The following TM6SF1 variants were observed in gnomAD, a reference collection of about 807,000 sequenced individuals.
TM6SF1 encodes transmembrane 6 superfamily member 1.
Under a neutral mutation model 47.1 loss-of-function variants are expected in TM6SF1, and 43 were observed. That is an observed-to-expected ratio of 0.91 (90% CI 0.72 to 1.18). TM6SF1 has a LOEUF of 1.18. Among genes scored for constraint, TM6SF1 ranks in the 50% most tolerant of loss-of-function variants. The probability of loss-of-function intolerance (pLI) is 0.00; values close to 1 mark genes in which losing one functional copy is unlikely to be tolerated. For missense variants in TM6SF1, 390 were observed against 449.0 expected (o/e 0.87, Z 1.19); for synonymous variants, 177 against 166.3 (o/e 1.06, Z -0.49).
chr15:83,112,214 G>A (rs942345991), intron 1 of TM6SF1, among the ~76,000 whole-genome samples: 1 of 152,148 alleles, frequency 6.6e-6, no homozygotes, highest in Non-Finnish European at 1.5e-5. Flanking sequence ...GGGGTGTTGG[G>A]CTATCTTCAT....
chr15:83,109,918 C>T (rs1236555122), intron 1 of TM6SF1, among the ~76,000 whole-genome samples: 1 of 152,132 alleles, frequency 6.6e-6, no homozygotes, highest in African/African-American at 2.4e-5. Flanking sequence ...TTCTGCAGAC[C>T]CTCCCTCTCT....
Position 83,136,707 on chromosome 15 carries a change from T to C in TM6SF1, c.*35T>C, listed in dbSNP as rs1369453452. On this transcript the variant is annotated 3_prime_UTR_variant, in exon 10 of 10. Coordinates refer to ENST00000322019, the MANE Select transcript of TM6SF1 (RefSeq NM_023003.5). ...TTCATGTTCCTCCTTTCTAAATTAC[T>C]AACTTTTGTTATACTGGTACTGATA... 1.5e-5 allele frequency: 23 copies of C among 1,537,590 alleles called. No individual in the cohort carries two copies. The highest frequency in any genetic ancestry group is 1.9e-5 in the Non-Finnish European group (22 of 1,134,248).
chr15:83,110,355 C>A (rs948939714), intron 1 of TM6SF1, among the ~76,000 whole-genome samples: 1 of 152,134 alleles, frequency 6.6e-6, no homozygotes, highest in Admixed American at 6.6e-5. Flanking sequence ...TGAGTCCCTG[C>A]AGGACCTGTT....
At chr15:83,133,405 T>G (rs1446291463) in intron 9 of TM6SF1, 1 of 152,248 alleles carries the variant, frequency 6.6e-6, no homozygotes, top group East Asian at 1.9e-4. Flanking sequence ...TCTCTATACA[T>G]GTAAGAAAAC....
At chr15:83,122,389 A>G (rs2035341909) in intron 5 of TM6SF1, among the ~76,000 whole-genome samples, 1 of 152,094 alleles carries the variant, frequency 6.6e-6, no homozygotes. Flanking sequence ...AAATCAGGAT[A>G]TATAGGTAGA....
intron 5 of TM6SF1, among the ~76,000 whole-genome samples, chr15:83,122,239 T>A (rs11856171): frequency 0.042 from 6,465 of 152,278 alleles, 384 homozygotes; most frequent in East Asian, 0.13. Flanking sequence ...CAGGGATTCC[T>A]GTTTTTTTAG....
chr15:83,116,094 G>A (rs1260068812), intron 3 of TM6SF1, 152 bp downstream of exon 3: 5 of 636,654 alleles, frequency 7.9e-6, no homozygotes, highest in Non-Finnish European at 1.4e-5. Flanking sequence ...TTAGTCACAT[G>A]GAAAGTGGAG....
intron 1 of TM6SF1, among the ~76,000 whole-genome samples, chr15:83,108,828 C>T (rs995888682): frequency 3.3e-5 from 5 of 152,236 alleles, no homozygotes; most frequent in African/African-American, 4.8e-5. Context: ...CCGCCTGATA[C>T]AGGCAGCACC....
At position 83,121,925 on chromosome 15, in the gene TM6SF1, A is replaced by G. The variant is rs1198142114; in HGVS notation, c.403A>G (p.Thr135Ala). The G allele has an allele frequency of 1.3e-6, 2 of 1,598,506 alleles. No homozygotes were observed. Among genetic ancestry groups the G allele is most frequent in the Non-Finnish European group, 1.7e-6 (2 of 1,176,354 alleles). Reference protein sequence around the residue: ...VMVAAIAWEETYRTIGLYWVG... With the variant: ...VMVAAIAWEEAYRTIGLYWVG... ...TTTTTGTTGTTGTTGTTACAGGGAA[A>G]CTTATAGAACCATTGGCCTATATTG... The change falls in exon 5 of 10, where the codon ACT becomes GCT. Residue 135 changes from threonine to alanine, a missense_variant. By Grantham distance (58) the Thr-to-Ala change is moderately conservative (BLOSUM62 0). Coordinates refer to ENST00000322019, the MANE Select transcript of TM6SF1 (RefSeq NM_023003.5).
intron 8 of TM6SF1, among the ~76,000 whole-genome samples, chr15:83,127,064 C>T (rs1403020924): frequency 6.6e-6 from 1 of 151,960 alleles, no homozygotes; most frequent in East Asian, 1.9e-4. Flanking sequence ...CATGGTGGCA[C>T]ATGCCTGTAA....
chr15:83,115,561 T>C, intron 2 of TM6SF1: 1 of 552,608 alleles, frequency 1.8e-6, no homozygotes, highest in Non-Finnish European at 3.4e-6. Flanking sequence ...GGAGTTGGCC[T>C]GCTAGAATCT....
At position 83,107,828 on chromosome 15, in the gene TM6SF1, C is replaced by T. The variant is rs1240110107; in HGVS notation, c.92+56C>T. ...CGAGGGGCGGCGGGAGTTGGCTCGC[C>T]GCGACGGGAGCCTCGCAACTTTTCC... On this transcript the variant is annotated intron_variant, in intron 1 of 9. Coordinates refer to ENST00000322019, the MANE Select transcript of TM6SF1 (RefSeq NM_023003.5). The surrounding 1 kb of genome is among the most constrained non-coding windows in gnomAD (Gnocchi z 5.6). 3.3e-6 allele frequency: 5 copies of T among 1,526,288 alleles called. No homozygotes were observed. In the Admixed American group the frequency reaches 8.4e-5, roughly 26 times the overall value. 94.5% of individuals were successfully genotyped at this position (1,526,288 alleles called of 1,614,324 possible).
At chr15:83,118,603 C>T (rs1031088764) in intron 3 of TM6SF1, among the ~76,000 whole-genome samples, 1 of 152,176 alleles carries the variant, frequency 6.6e-6, no homozygotes, top group Non-Finnish European at 1.5e-5. Flanking sequence ...ACAGAGCAGT[C>T]CTTGCCCCAG....
At position 83,111,524 on chromosome 15, in the gene TM6SF1, A is replaced by G. The variant is rs2034178790; in HGVS notation, c.93-1273A>G. Reference sequence around the variant, plus strand: ...CCATCTATCCATCCACTCATCGTCTATTTGTTCCCCCCTTCCCTCCCTCCT... The same window carrying G: ...CCATCTATCCATCCACTCATCGTCTGTTTGTTCCCCCCTTCCCTCCCTCCT... On this transcript the variant is annotated intron_variant, in intron 1 of 9. Transcript: ENST00000322019. 10 of 685,718 alleles carry G rather than the reference A, an allele frequency of 1.5e-5. No homozygotes were observed. The South Asian group carries it at 6.6e-4, about 45-fold the overall frequency. 42.5% of individuals were successfully genotyped at this position (685,718 alleles called of 1,614,324 possible). A position where few individuals can be genotyped will look rare whatever the true frequency, so the allele number is the denominator to read the frequency against.
chr15:83,113,065 G>T, intron 2 of TM6SF1, 165 bp downstream of exon 2: 1 of 634,364 alleles, frequency 1.6e-6, no homozygotes, highest in South Asian at 1.8e-5. Context: ...TCTGGCTATT[G>T]CCTCTCAGGC....
chr15:83,108,634 G>A (rs967806740), intron 1 of TM6SF1, among the ~76,000 whole-genome samples: 2 of 152,344 alleles, frequency 1.3e-5, no homozygotes, highest in African/African-American at 2.4e-5. Context: ...TGGGACAGGC[G>A]CCAGCCTCTG....
intron 1 of TM6SF1, among the ~76,000 whole-genome samples, chr15:83,110,744 T>A (rs1234553535): frequency 6.6e-6 from 1 of 152,182 alleles, no homozygotes; most frequent in Non-Finnish European, 1.5e-5. Flanking sequence ...TTCCTCCTTC[T>A]TCAGCTCATC....
At chr15:83,122,660 C>A in intron 5 of TM6SF1, 97 bp from the exon 6 acceptor site, 1 of 1,424,538 alleles carries the variant, frequency 7.0e-7, no homozygotes, top group Non-Finnish European at 9.5e-7. Context: ...TGGCCCATAG[C>A]AAAATTTTAG....
chr15:83,127,441 T>C lies in TM6SF1; in HGVS notation c.885T>C (p.Pro295=). 6.2e-7 allele frequency: 1 copy of C among 1,613,970 alleles called. No individual in the cohort carries two copies. The highest frequency in any genetic ancestry group is 8.5e-7 in the Non-Finnish European group (1 of 1,179,900). ...GLVVPGCSWM[P]DITLIHAGGL... is the part of the protein sequence containing the mutation. ...TGGTTCCTGGATGTTCCTGGATGCCTGACATCACATTGATACATGCTGGAG... is the reference window on the plus strand; with the variant it reads ...TGGTTCCTGGATGTTCCTGGATGCCCGACATCACATTGATACATGCTGGAG... The change falls in exon 9 of 10, where the codon CCT becomes CCC. Residue 295 remains proline (P), a synonymous_variant. Transcript: ENST00000322019.
Sources: allele counts gnomAD v4.1 joint callset (sites outside exome capture counted in the v4.1 genomes callset), GRCh38; gene constraint gnomAD v4.1.1; non-coding constraint Gnocchi (gnomAD v3.1); transcripts MANE v1.5; gene names NCBI Gene and HGNC (gene_info 2026-07-23, HGNC 2026-07-21).